Variants in C8orf34 observed in about 807,000 individuals in gnomAD.
The protein encoded by C8orf34 is chromosome 8 open reading frame 34.
C8orf34 carries 65 observed loss-of-function variants against 68.3 expected under a neutral mutation model. The observed-to-expected ratio is 0.95, with a 90% confidence interval of 0.78 to 1.17. The LOEUF (loss-of-function observed/expected upper bound fraction) is 1.17. Among genes scored for constraint, C8orf34 ranks in the 50% most tolerant of loss-of-function variants. The pLI is 0.00. For synonymous variants in C8orf34, 244 were observed against 241.2 expected (o/e 1.01, Z -0.11); for missense variants, 664 against 655.4 (o/e 1.01, Z -0.14).
chr8:68,669,018 G>C (rs1819927776), intron 8 of C8orf34, among the ~76,000 whole-genome samples: 1 of 152,166 alleles, frequency 6.6e-6, no homozygotes, highest in African/African-American at 2.4e-5. Context: ...ACCTAGCCAA[G>C]TTCACCAGGA....
chr8:68,694,498 G>A (rs1820772577), intron 8 of C8orf34, among the ~76,000 whole-genome samples: 1 of 152,048 alleles, frequency 6.6e-6, no homozygotes, highest in Non-Finnish European at 1.5e-5. Context: ...TTTTGAAAAT[G>A]TCCTAATATC....
intron 7 of C8orf34, among the ~76,000 whole-genome samples, chr8:68,615,681 A>T (rs1818185870): frequency 6.6e-6 from 1 of 152,126 alleles, no homozygotes; most frequent in Non-Finnish European, 1.5e-5. Flanking sequence ...GTGCTGCTGG[A>T]TTTAGTTTGC....
At chr8:68,620,689 T>TG (rs888802474) in intron 7 of C8orf34, among the ~76,000 whole-genome samples, 17 of 148,490 alleles carry the variant, frequency 1.1e-4, no homozygotes, top group East Asian at 2.0e-4. Context: ...CTAAGTTTAC[T>TG]GGGAAAAAAA....
At chr8:68,610,458 A>G (rs1396255571) in intron 7 of C8orf34, among the ~76,000 whole-genome samples, 1 of 152,180 alleles carries the variant, frequency 6.6e-6, no homozygotes, top group African/African-American at 2.4e-5. Context: ...GCATGTTAGT[A>G]TAGTAAACCT....
chr8:68,332,343 C>G (rs1805652523), intron 1 of C8orf34, among the ~76,000 whole-genome samples: 1 of 152,128 alleles, frequency 6.6e-6, no homozygotes, highest in Admixed American at 6.5e-5. Flanking sequence ...GCGGGAGGGT[C>G]GAGGTGCTCC....
At chr8:68,333,821 C>T (rs896787030) in intron 1 of C8orf34, among the ~76,000 whole-genome samples, 3 of 152,164 alleles carry the variant, frequency 2.0e-5, no homozygotes, top group African/African-American at 4.8e-5. Context: ...TGAAATTGGC[C>T]GCTTCATGTC....
chr8:68,705,557 C>A (rs13278185), intron 8 of C8orf34, among the ~76,000 whole-genome samples: 29,969 of 151,956 alleles, frequency 0.2, 3,401 homozygotes, highest in East Asian at 0.54. Context: ...AAGCTGTTTT[C>A]TCAGTGGTAG....
Position 68,750,806 on chromosome 8 carries a change from T to C in C8orf34, c.1405-25593T>C, listed in dbSNP as rs566488990. On this transcript the variant is annotated intron_variant, in intron 10 of 13. Coordinates refer to ENST00000518698, the MANE Select transcript of C8orf34 (RefSeq NM_052958.4). ...ATTCAGTGTCTACCATGTCCATGCA[T>C]TGTTCTAGGAGCTTTACAGACATTA... Among the ~76,000 whole-genome samples the C allele has an allele frequency of 2.6e-5, 4 of 152,252 alleles. No homozygotes were observed. The East Asian group carries it at 7.7e-4, about 29-fold the overall frequency.
chr8:68,602,888 A>T (rs981306653), intron 7 of C8orf34, among the ~76,000 whole-genome samples: 2 of 152,068 alleles, frequency 1.3e-5, no homozygotes, highest in African/African-American at 4.8e-5. Flanking sequence ...TTTTCTGTTC[A>T]TGAGACCACC....
At chr8:68,797,357 A>G (rs1241569477) in intron 12 of C8orf34, among the ~76,000 whole-genome samples, 1 of 152,078 alleles carries the variant, frequency 6.6e-6, no homozygotes, top group Non-Finnish European at 1.5e-5. Flanking sequence ...ACTAGAATGA[A>G]GGTCTCCTGA....
intron 1 of C8orf34, among the ~76,000 whole-genome samples, chr8:68,361,938 C>A (rs889825024): frequency 6.6e-6 from 1 of 152,338 alleles, no homozygotes; most frequent in South Asian, 2.1e-4. Context: ...GATCTACTAA[C>A]GTACATGGAA....
intron 8 of C8orf34, among the ~76,000 whole-genome samples, chr8:68,665,357 C>T (rs951517021): frequency 2.0e-5 from 3 of 152,130 alleles, no homozygotes; most frequent in South Asian, 4.1e-4. Flanking sequence ...GCTATAATTA[C>T]GTTACCTAAA....
chr8:68,441,748 T>C (rs1378228548), intron 2 of C8orf34, among the ~76,000 whole-genome samples: 3 of 152,218 alleles, frequency 2.0e-5, no homozygotes, highest in Non-Finnish European at 4.4e-5. Context: ...AATGTAATCA[T>C]AACACTGACA....
intron 10 of C8orf34, among the ~76,000 whole-genome samples, chr8:68,767,834 T>A (rs950648511): frequency 3.3e-5 from 5 of 152,328 alleles, no homozygotes; most frequent in Admixed American, 2.6e-4. Context: ...TGATTGTTTC[T>A]CATTTTATCA....
chr8:68,671,783 A>G (rs780040244), intron 8 of C8orf34, among the ~76,000 whole-genome samples: 10 of 152,222 alleles, frequency 6.6e-5, no homozygotes, highest in Admixed American at 1.3e-4. Flanking sequence ...TTAAATTAAC[A>G]CTAAAACTAA....
At chr8:68,789,834 A>AG (rs1447649008) in intron 12 of C8orf34, among the ~76,000 whole-genome samples, 2 of 152,222 alleles carry the variant, frequency 1.3e-5, no homozygotes, top group African/African-American at 4.8e-5. Flanking sequence ...TTTTATTAAA[A>AG]TTTTAATATT....
chr8:68,559,599 C>T (rs1359499749), intron 7 of C8orf34, among the ~76,000 whole-genome samples: 4 of 152,086 alleles, frequency 2.6e-5, no homozygotes, highest in African/African-American at 4.8e-5. Context: ...CATAAGAATA[C>T]GTGTGACCTG....
intron 11 of C8orf34, among the ~76,000 whole-genome samples, chr8:68,783,298 T>C (rs1383026969): frequency 6.6e-6 from 1 of 151,844 alleles, no homozygotes; most frequent in Admixed American, 6.6e-5. Context: ...GGCGGGTGGA[T>C]CACGAGGTCA....
At chr8:68,485,102 T>A (rs1813018943) in intron 4 of C8orf34, among the ~76,000 whole-genome samples, 1 of 152,162 alleles carries the variant, frequency 6.6e-6, no homozygotes, top group Non-Finnish European at 1.5e-5. Context: ...TTTCTCTTCA[T>A]CTCCATTTTC....
Sources: allele counts gnomAD v4.1 joint callset (sites outside exome capture counted in the v4.1 genomes callset), GRCh38; gene constraint gnomAD v4.1.1; transcripts MANE v1.5; gene names NCBI Gene and HGNC (gene_info 2026-07-23, HGNC 2026-07-21).